Variants in CAST observed in about 807,000 individuals in gnomAD.
CAST encodes the protein calpastatin.
In CAST, 76 loss-of-function variants were observed where a neutral mutation model predicts 119.6. The observed-to-expected ratio is 0.64, with a 90% CI of 0.53 to 0.77. The LOEUF (loss-of-function observed/expected upper bound fraction) is 0.77. CAST is among the 30% of genes least tolerant of loss of function. The pLI is 0.00. For synonymous variants in CAST, 319 were observed against 331.6 expected (o/e 0.96, Z 0.41); for missense variants, 953 against 946.5 (o/e 1.01, Z -0.09).
chr5:96,718,519 A>G (rs972955242), intron 3 of CAST, among the ~76,000 whole-genome samples: 3 of 151,878 alleles, frequency 2.0e-5, no homozygotes, highest in Non-Finnish European at 4.4e-5. Flanking sequence ...TAACAAACTT[A>G]CACATGTGCC....
the CAST span, among the ~76,000 whole-genome samples, chr5:96,280,336 A>G: frequency 6.6e-6 from 1 of 152,222 alleles, no homozygotes; most frequent in Non-Finnish European, 1.5e-5. Context: ...GATGATTCAT[A>G]TTAGGATAAA....
chr5:96,130,021 CT>C, the CAST span, among the ~76,000 whole-genome samples: 325 of 129,464 alleles, frequency 2.5e-3, 1 homozygote, highest in Non-Finnish European at 3.5e-3. Context: ...AACACACACA[CT>C]TTTTTTTTTT....
the CAST span, among the ~76,000 whole-genome samples, chr5:96,225,749 A>T: frequency 6.6e-6 from 1 of 152,328 alleles, no homozygotes; most frequent in South Asian, 2.1e-4. Context: ...ACAAATTATT[A>T]CTCAAAGATA....
chr5:96,163,106 C>T, the CAST span, among the ~76,000 whole-genome samples: 1 of 152,068 alleles, frequency 6.6e-6, no homozygotes, highest in Non-Finnish European at 1.5e-5. Flanking sequence ...GCTTCTTGAG[C>T]CAGTTTTGTT....
intron 31 of CAST, 112 bp downstream of exon 31, chr5:96,771,814 G>A (rs982836992): frequency 3.2e-6 from 2 of 630,772 alleles, no homozygotes; most frequent in Non-Finnish European, 5.6e-6. Flanking sequence ...TCACTTTACA[G>A]TATTGGCATG....
the CAST span, among the ~76,000 whole-genome samples, chr5:96,075,073 C>T: frequency 6.6e-6 from 1 of 152,156 alleles, no homozygotes; most frequent in Non-Finnish European, 1.5e-5. Context: ...TTTTTCCTTC[C>T]TACTTGTTTG....
chr5:96,137,642 T>A, the CAST span, among the ~76,000 whole-genome samples: 3 of 152,166 alleles, frequency 2.0e-5, no homozygotes, highest in African/African-American at 7.2e-5. Flanking sequence ...TTGTTTTGCA[T>A]CCTTGCTAGC....
chr5:96,109,530 C>G, the CAST span, among the ~76,000 whole-genome samples: 1 of 152,102 alleles, frequency 6.6e-6, no homozygotes, highest in Admixed American at 6.5e-5. Flanking sequence ...TGGCAGTGAT[C>G]AGTTGTCCTC....
chr5:96,022,900 A>G, the CAST span, among the ~76,000 whole-genome samples: 1 of 152,190 alleles, frequency 6.6e-6, no homozygotes, highest in Non-Finnish European at 1.5e-5. Context: ...GCCCCCACTT[A>G]TCAAGGGTAG....
At chr5:96,648,387 T>C (rs1177100954) in intron 1 of CAST, among the ~76,000 whole-genome samples, 1 of 152,210 alleles carries the variant, frequency 6.6e-6, no homozygotes, top group East Asian at 1.9e-4. Context: ...TTTATTTCTC[T>C]CTGTATATTT....
intron 1 of CAST, among the ~76,000 whole-genome samples, chr5:96,539,944 A>G (rs1205599474): frequency 1.3e-5 from 2 of 151,964 alleles, no homozygotes; most frequent in Non-Finnish European, 1.5e-5. Flanking sequence ...AATTATTTAC[A>G]TGATTTTATT....
the CAST span, among the ~76,000 whole-genome samples, chr5:96,403,492 T>A: frequency 6.6e-6 from 1 of 152,198 alleles, no homozygotes; most frequent in African/African-American, 2.4e-5. Context: ...ATTTCATAAA[T>A]GAAAAGGAGC....
intron 2 of CAST, among the ~76,000 whole-genome samples, chr5:96,686,646 G>A (rs1014467558): frequency 6.6e-6 from 1 of 152,154 alleles, no homozygotes; most frequent in African/African-American, 2.4e-5. Flanking sequence ...ATGATTGAGA[G>A]GGTGCTGAGT....
exon 1 of CAST, chr5:96,529,836 G>C (rs1234301999): frequency 2.3e-6 from 1 of 434,952 alleles, no homozygotes; most frequent in Admixed American, 2.5e-5. Context: ...GGTGCCTTCT[G>C]CCATGATTGT....
chr5:96,707,096 C>G (rs1755138871), intron 3 of CAST, among the ~76,000 whole-genome samples: 1 of 152,208 alleles, frequency 6.6e-6, no homozygotes, highest in Non-Finnish European at 1.5e-5. Context: ...TCTAATGATT[C>G]ATTTTCTCAA....
chr5:96,057,965 T>C, the CAST span, among the ~76,000 whole-genome samples: 24 of 152,294 alleles, frequency 1.6e-4, no homozygotes, highest in South Asian at 5.0e-3. Context: ...TCTTCAGATT[T>C]TGAGCAGTGG....
At chr5:96,572,309 T>G (rs1378404150) in intron 1 of CAST, among the ~76,000 whole-genome samples, 1 of 152,062 alleles carries the variant, frequency 6.6e-6, no homozygotes, top group Non-Finnish European at 1.5e-5. Context: ...CGAGCAATTC[T>G]CCTACTTCAG....
At chr5:96,465,704 G>T in the CAST span, among the ~76,000 whole-genome samples, 2 of 152,078 alleles carry the variant, frequency 1.3e-5, no homozygotes, top group East Asian at 3.9e-4. Context: ...GGTGTTTAGA[G>T]ATATTCTTTG....
chr5:96,274,747 C>A, the CAST span, among the ~76,000 whole-genome samples: 1 of 152,186 alleles, frequency 6.6e-6, no homozygotes. Flanking sequence ...CCGCTAGGCT[C>A]CCCTCTGACA....
Sources: gnomAD v4.1 joint callset for allele counts (sites outside exome capture counted in the v4.1 genomes callset) on GRCh38, gnomAD v4.1.1 for gene constraint, MANE v1.5 for transcripts, NCBI Gene and HGNC (gene_info 2026-07-23, HGNC 2026-07-21) for gene names.